Variants in ATP1A3 observed in about 807,000 individuals in gnomAD.
The protein encoded by ATP1A3 is sodium/potassium-transporting ATPase subunit alpha-3.
A neutral mutation model predicts 108.8 loss-of-function variants in ATP1A3; 12 were observed. The ratio of observed to expected loss-of-function variants is 0.11; its 90% confidence interval spans 0.07 to 0.18. The LOEUF (loss-of-function observed/expected upper bound fraction) is 0.18, where lower values mean the gene tolerates loss of function less well. Among genes scored for constraint, ATP1A3 ranks in the 10% least tolerant of loss-of-function variants. ATP1A3 has a pLI of 1.00. For synonymous variants in ATP1A3, 539 were observed against 564.5 expected (o/e 0.95, Z 0.64); for missense variants, 498 against 1,387.7 (o/e 0.36, Z 10.19).
chr19:41,991,785 C>T (rs2145990753), intron 1 of ATP1A3, among the ~76,000 whole-genome samples: 1 of 147,866 alleles, frequency 6.8e-6, no homozygotes, highest in East Asian at 2.1e-4. Context: ...ACCCCTGGGT[C>T]TGAGGGAGGA....
rs547305158 is a variant in ATP1A3 at position 41,972,243 on chromosome 19, C to G, written c.2264-1701G>C. On this transcript the variant is annotated intron_variant, in intron 16 of 22. Transcript: ENST00000648268. ...CCAGCCTGGGCAACAGAGCAAGACT[C>G]CATCTCAAAAAAATAAAATAAAATA... 2.3e-3 allele frequency among the ~76,000 whole-genome samples: 346 copies of G among 151,324 alleles called. 1 individual carries two copies. Among genetic ancestry groups the G allele is most frequent in the Non-Finnish European group, 3.4e-3 (233 of 67,830 alleles).
Position 41,987,940 on chromosome 19 carries a change from T to A in ATP1A3, c.353A>T (p.Asp118Val), listed in dbSNP as rs2075301704. 6.2e-7 allele frequency: 1 copy of A among 1,613,548 alleles called. No homozygotes were observed. The highest frequency in any genetic ancestry group is 8.5e-7 in the Non-Finnish European group (1 of 1,180,004). ...GGGCAGGGTCCAGGCACTCACGTTG[T>A]CACCAGAGGGGTCGTCCTCGGTGCC... is the stretch of plus-strand genomic sequence containing the variant. ...QAGTEDDPSG[D>V]NLYLGIVLAA... is the part of the protein sequence containing the mutation. The change falls in exon 4 of 23, where the codon GAC becomes GTC. Residue 118 changes from aspartate (D) to valine (V), a missense_variant. This residue lies in a region of ATP1A3 where 127 missense variants were observed against 464.0 expected (regional missense o/e 0.27). Transcript: ENST00000648268.
At position 41,977,873 on chromosome 19, in the gene ATP1A3, C is replaced by T. The variant is rs531081590; in HGVS notation, c.1943+63G>A. ...AGTGCAGAGGGAGGTTGGGGGGAAG[C>T]GGTCCCCCTGTGTCAACACCCTAGA... On this transcript the variant is annotated intron_variant, in intron 14 of 22. Coordinates refer to ENST00000648268, the MANE Select transcript of ATP1A3 (RefSeq NM_152296.5). The T allele has an allele frequency of 2.0e-5, 31 of 1,586,356 alleles. 1 individual carries two copies. The highest frequency in any genetic ancestry group is 1.9e-4 in the Admixed American group (11 of 59,156).
rs1021823203 is a variant in ATP1A3 at position 41,978,470 on chromosome 19, C to T, written c.1630+136G>A. ...TTCATTTCCTAGGATACCTTCCCCT[C>T]TCATCCATCCATTCATTCATTCATT... On this transcript the variant is annotated intron_variant, in intron 12 of 22. Coordinates refer to ENST00000648268, the MANE Select transcript of ATP1A3 (RefSeq NM_152296.5). The surrounding 1 kb of genome is among the most constrained non-coding windows in gnomAD (Gnocchi z 8.3). 2.0e-6 allele frequency: 3 copies of T among 1,481,342 alleles called. No individual in the cohort carries two copies. The highest frequency in any genetic ancestry group is 2.8e-5 in the African/African-American group (2 of 72,042). 91.8% of individuals were successfully genotyped at this position (1,481,342 alleles called of 1,614,324 possible).
At chr19:41,972,363 A>G (rs1306287752) in intron 16 of ATP1A3, among the ~76,000 whole-genome samples, 1 of 152,052 alleles carries the variant, frequency 6.6e-6, no homozygotes, top group African/African-American at 2.4e-5. Context: ...TCGAGGTTGC[A>G]GTGACTGATG....
intron 1 of ATP1A3, chr19:41,993,247 G>T: frequency 4.5e-6 from 3 of 659,644 alleles, no homozygotes; most frequent in Non-Finnish European, 5.0e-6. Flanking sequence ...CAGGTGGTCA[G>T]CCAGGGAGGG....
At chr19:41,986,681 T>A (rs1373603150) in intron 4 of ATP1A3, 1 of 193,888 alleles carries the variant, frequency 5.2e-6, no homozygotes, top group Admixed American at 5.4e-5. Context: ...GACCTTGTGA[T>A]CTATCACCTT....
intron 8 of ATP1A3, among the ~76,000 whole-genome samples, chr19:41,983,763 A>T (rs1312142239): frequency 6.9e-6 from 1 of 145,804 alleles, no homozygotes; most frequent in Non-Finnish European, 1.5e-5. Flanking sequence ...CTAATTTAAA[A>T]AAATTTTTTT....
At chr19:41,975,831 G>A (rs782617699) in intron 15 of ATP1A3, 34 bp from the exon 16 acceptor site, 1 of 1,609,262 alleles carries the variant, frequency 6.2e-7, no homozygotes, top group Non-Finnish European at 8.5e-7. Flanking sequence ...GACACCCAGA[G>A]GCCAGTCCCC....
rs1419308494 is a variant in ATP1A3 at position 41,968,462 on chromosome 19, T to C, written c.2819+323A>G. ...AGGCGGAGGTTGCAGTGAGCCAAGA[T>C]TGTGCCACTGCACTCCAGCCTGGGC... On this transcript the variant is annotated intron_variant, in intron 20 of 22. Transcript: ENST00000648268. The surrounding 1 kb of genome is among the most constrained non-coding windows in gnomAD (Gnocchi z 5.0). Among the ~76,000 whole-genome samples the C allele has an allele frequency of 1.3e-5, 2 of 152,082 alleles. No individual in the cohort carries two copies. The highest frequency in any genetic ancestry group is 1.9e-4 in the East Asian group (1 of 5,182).
chr19:41,993,513 AC>A (rs2075359797), intron 1 of ATP1A3: 5 of 932,208 alleles, frequency 5.4e-6, no homozygotes, highest in Non-Finnish European at 7.6e-6. Flanking sequence ...ACACACACAC[AC>A]ACACACACAC....
chr19:41,975,075 G>A (rs1377002053), intron 16 of ATP1A3, among the ~76,000 whole-genome samples: 2 of 150,596 alleles, frequency 1.3e-5, no homozygotes, highest in African/African-American at 4.9e-5. Flanking sequence ...TTTTTGAGAC[G>A]GAGTCTCGCT....
intron 11 of ATP1A3, among the ~76,000 whole-genome samples, chr19:41,980,238 G>A (rs1555862846): frequency 6.6e-6 from 1 of 152,244 alleles, no homozygotes. Flanking sequence ...TCAGAGAGGG[G>A]TGACTTCACC....
chr19:41,985,277 G>A lies in ATP1A3; in HGVS notation c.724+29C>T. Reference sequence around the variant, plus strand: ...GGGACACATCCCTGTGTCTGCCCCAGCTGTGTGTCTTCTCTGCACCCGCCT... The same window carrying A: ...GGGACACATCCCTGTGTCTGCCCCAACTGTGTGTCTTCTCTGCACCCGCCT... On this transcript the variant is annotated intron_variant, in intron 7 of 22. Coordinates refer to ENST00000648268, the MANE Select transcript of ATP1A3 (RefSeq NM_152296.5). This position sits in a 1 kb window ranked among gnomAD's most constrained non-coding sequence, Gnocchi z 8.2. 1.2e-6 allele frequency: 2 copies of A among 1,613,820 alleles called. No homozygotes were observed. The highest frequency in any genetic ancestry group is 1.7e-6 in the Non-Finnish European group (2 of 1,179,692).
intron 8 of ATP1A3, among the ~76,000 whole-genome samples, chr19:41,982,375 C>T (rs1308420889): frequency 2.0e-5 from 3 of 152,178 alleles, no homozygotes; most frequent in African/African-American, 7.2e-5. Flanking sequence ...CCTGTAATCC[C>T]AGCACTTTGG....
In ATP1A3 at chr19:41,981,353, C is replaced by G; in HGVS notation, c.1437+149G>C. 1 of 1,314,348 alleles carries G rather than the reference C, an allele frequency of 7.6e-7. No individual in the cohort carries two copies. The highest frequency in any genetic ancestry group is 1.5e-5 in the African/African-American group (1 of 68,898). 81.4% of individuals were successfully genotyped at this position (1,314,348 alleles called of 1,614,324 possible). On this transcript the variant is annotated intron_variant, in intron 11 of 22. Transcript: ENST00000648268. The surrounding 1 kb of genome is among the most constrained non-coding windows in gnomAD (Gnocchi z 5.0). ...CACTCCAACAGAGATCCGGCTCCCA[C>G]TCTCAAGCTCTCCCTGTTCCTCTCC...
rs1250683183 is a variant in ATP1A3 at position 41,985,433 on chromosome 19, G to C, written c.607-10C>G. 6 of 1,611,556 alleles carry C rather than the reference G, an allele frequency of 3.7e-6. No individual in the cohort carries two copies. Among genetic ancestry groups the C allele is most frequent in the Non-Finnish European group, 5.1e-6 (6 of 1,177,746 alleles). On this transcript the variant is annotated splice_polypyrimidine_tract_variant and intron_variant, in intron 6 of 22. Coordinates refer to ENST00000648268, the MANE Select transcript of ATP1A3 (RefSeq NM_152296.5). This position sits in a 1 kb window ranked among gnomAD's most constrained non-coding sequence, Gnocchi z 8.2. Reference sequence around the variant, plus strand: ...GGGAGGAGTTGTCCACCTGGGGGTAGGTGCAGCAGAGAGAGGGTTCAGTCC... The same window carrying C: ...GGGAGGAGTTGTCCACCTGGGGGTACGTGCAGCAGAGAGAGGGTTCAGTCC...
intron 8 of ATP1A3, among the ~76,000 whole-genome samples, chr19:41,983,274 T>C (rs797042495): frequency 1.3e-4 from 19 of 151,770 alleles, no homozygotes; most frequent in African/African-American, 4.3e-4. Flanking sequence ...GATGGGGTTT[T>C]GCCATGTTGG....
At chr19:41,969,336 G>A in intron 19 of ATP1A3, 99 bp downstream of exon 19, 1 of 1,588,072 alleles carries the variant, frequency 6.3e-7, no homozygotes, top group Non-Finnish European at 8.6e-7. Context: ...TGCCATGGGA[G>A]ACTGAGGGGG....
Sources: allele counts gnomAD v4.1 joint callset (sites outside exome capture counted in the v4.1 genomes callset), GRCh38; gene constraint gnomAD v4.1.1; regional missense constraint gnomAD v4.1.1; non-coding constraint Gnocchi (gnomAD v3.1); transcripts MANE v1.5; gene names NCBI Gene and HGNC (gene_info 2026-07-23, HGNC 2026-07-21).